PLXNA4: variants seen among roughly 807,000 people sequenced by gnomAD.
The protein encoded by PLXNA4 is plexin A4, also known as plexin-A4.
PLXNA4 carries 44 observed loss-of-function variants against 191.8 expected under a neutral mutation model. That is an observed-to-expected ratio of 0.23 (90% CI 0.18 to 0.29). The LOEUF (loss-of-function observed/expected upper bound fraction) is 0.29. Ranked by LOEUF, PLXNA4 falls within the 10% of genes least tolerant of loss-of-function variation. The pLI, the probability that PLXNA4 is intolerant of heterozygous loss-of-function variation, is 1.00. For missense variants in PLXNA4, 1,800 were observed against 2,488.8 expected (o/e 0.72, Z 5.89); for synonymous variants, 1,082 against 1,009.5 (o/e 1.07, Z -1.36).
At chr7:132,623,077 G>A (rs1195057489) in intron 2 of PLXNA4, among the ~76,000 whole-genome samples, 1 of 152,160 alleles carries the variant, frequency 6.6e-6, no homozygotes, top group Non-Finnish European at 1.5e-5. Context: ...GGGCATGGTG[G>A]CTCACAGCTG....
At chr7:132,518,455 G>A (rs1039463956) in intron 1 of PLXNA4, among the ~76,000 whole-genome samples, 17 of 151,734 alleles carry the variant, frequency 1.1e-4, no homozygotes, top group African/African-American at 3.6e-4. Context: ...CCCTCCTTCC[G>A]GTGTGCTTCC....
At chr7:132,548,254 C>T (rs561094221) in intron 1 of PLXNA4, among the ~76,000 whole-genome samples, 1 of 152,240 alleles carries the variant, frequency 6.6e-6, no homozygotes, top group Admixed American at 6.5e-5. Flanking sequence ...TCCCCTAGCC[C>T]TCATTACAAA....
intron 12 of PLXNA4, among the ~76,000 whole-genome samples, chr7:132,200,977 G>T (rs1478044265): frequency 2.6e-5 from 4 of 152,250 alleles, no homozygotes; most frequent in Non-Finnish European, 5.9e-5. Context: ...ACAGGGTGAA[G>T]TTCTAACCCC....
At chr7:132,462,461 A>G (rs1229986892) in intron 3 of PLXNA4, among the ~76,000 whole-genome samples, 3 of 152,224 alleles carry the variant, frequency 2.0e-5, no homozygotes, top group Non-Finnish European at 2.9e-5. Context: ...AGGGTACTTA[A>G]TCACACAGGG....
chr7:132,394,572 T>G (rs930297249), intron 3 of PLXNA4, among the ~76,000 whole-genome samples: 9 of 152,248 alleles, frequency 5.9e-5, no homozygotes, highest in African/African-American at 2.2e-4. Context: ...TCACTTCTGC[T>G]CTGTTGTTAA....
intron 2 of PLXNA4, 114 bp downstream of exon 2, chr7:132,507,392 T>C (rs1798509003): frequency 8.6e-7 from 1 of 1,166,904 alleles, no homozygotes; most frequent in Non-Finnish European, 1.2e-6. Context: ...GGATGGGATA[T>C]ACTCACTTCA....
chr7:132,141,191 A>G (rs1207295619), intron 29 of PLXNA4, among the ~76,000 whole-genome samples: 2 of 152,176 alleles, frequency 1.3e-5, no homozygotes, highest in African/African-American at 4.8e-5. Flanking sequence ...AGCCTGGTAC[A>G]AGAGCATCTA....
chr7:132,349,869 T>C (rs1803412190), intron 3 of PLXNA4, among the ~76,000 whole-genome samples: 1 of 152,140 alleles, frequency 6.6e-6, no homozygotes, highest in African/African-American at 2.4e-5. Flanking sequence ...TCACCGTCCT[T>C]TTTTTTAAGT....
At chr7:132,530,822 A>G (rs1009472650) in intron 1 of PLXNA4, among the ~76,000 whole-genome samples, 3 of 152,270 alleles carry the variant, frequency 2.0e-5, no homozygotes, top group Non-Finnish European at 4.4e-5. Flanking sequence ...AAAAGATAGA[A>G]ACAACCCAAG....
At chr7:132,424,683 G>A (rs993597778) in intron 3 of PLXNA4, among the ~76,000 whole-genome samples, 41 of 152,106 alleles carry the variant, frequency 2.7e-4, no homozygotes, top group African/African-American at 9.9e-4. Context: ...TCCCTCAAAT[G>A]GTGAATTCTC....
chr7:132,450,669 A>AACCT (rs1796086154), intron 3 of PLXNA4, among the ~76,000 whole-genome samples: 1 of 152,186 alleles, frequency 6.6e-6, no homozygotes, highest in Non-Finnish European at 1.5e-5. Flanking sequence ...GAATTCTTGG[A>AACCT]GCAGAGGAAC....
intron 2 of PLXNA4, among the ~76,000 whole-genome samples, chr7:132,622,359 G>A (rs998335893): frequency 1.3e-5 from 2 of 152,112 alleles, no homozygotes; most frequent in Non-Finnish European, 2.9e-5. Flanking sequence ...AAGCATTTGT[G>A]GGGTTATTTA....
intron 21 of PLXNA4, among the ~76,000 whole-genome samples, chr7:132,168,895 T>C (rs7800692): frequency 0.31 from 47,186 of 152,144 alleles, 12,013 homozygotes; most frequent in African/African-American, 0.71. Flanking sequence ...GGCCCCTGTG[T>C]CATGGCAGAG....
chr7:132,317,295 G>A (rs1801981055), intron 3 of PLXNA4, among the ~76,000 whole-genome samples: 1 of 151,816 alleles, frequency 6.6e-6, no homozygotes, highest in African/African-American at 2.4e-5. Flanking sequence ...GAATTGGGTT[G>A]AGTTAGGTTG....
At chr7:132,359,398 G>A (rs1358948407) in intron 3 of PLXNA4, among the ~76,000 whole-genome samples, 5 of 151,712 alleles carry the variant, frequency 3.3e-5, no homozygotes, top group African/African-American at 9.7e-5. Context: ...TGTATTTTTA[G>A]TAGAGACGGA....
chr7:132,175,090 A>G (rs1335017059), intron 20 of PLXNA4, among the ~76,000 whole-genome samples, 170 bp from the exon 21 acceptor site: 1 of 152,204 alleles, frequency 6.6e-6, no homozygotes, highest in Non-Finnish European at 1.5e-5. Flanking sequence ...ATTGGGATGA[A>G]TGAATGGCAT....
chr7:132,159,855 G>T (rs1795896056), intron 24 of PLXNA4, among the ~76,000 whole-genome samples: 1 of 152,186 alleles, frequency 6.6e-6, no homozygotes, highest in African/African-American at 2.4e-5. Flanking sequence ...CCTTGAGGGA[G>T]TGCGAGCTGC....
chr7:132,443,752 A>G (rs1182035131), intron 3 of PLXNA4, among the ~76,000 whole-genome samples: 1 of 152,246 alleles, frequency 6.6e-6, no homozygotes, highest in East Asian at 1.9e-4. Context: ...GAAAATTTCC[A>G]AAGACCAACA....
intron 3 of PLXNA4, among the ~76,000 whole-genome samples, chr7:132,482,060 T>C (rs1213120639): frequency 6.6e-6 from 1 of 152,192 alleles, no homozygotes; most frequent in Non-Finnish European, 1.5e-5. Context: ...TTTGAAAGTA[T>C]GGGTTCAAGT....
Sources: gnomAD v4.1 joint callset for allele counts (sites outside exome capture counted in the v4.1 genomes callset) on GRCh38, gnomAD v4.1.1 for gene constraint, MANE v1.5 for transcripts, NCBI Gene and HGNC (gene_info 2026-07-23, HGNC 2026-07-21) for gene names.